NEB: variants seen among roughly 807,000 people sequenced by gnomAD.
NEB encodes the protein nemaline myopathy type 2.
A neutral mutation model predicts 952.2 loss-of-function variants in NEB; 512 were observed. The ratio of observed to expected loss-of-function variants is 0.54; its 90% CI spans 0.50 to 0.58. The LOEUF (loss-of-function observed/expected upper bound fraction) is 0.58, where lower values mean the gene tolerates loss of function less well. NEB is among the 20% of genes least tolerant of loss of function. The pLI is 0.00. For synonymous variants in NEB, 2,900 were observed against 3,149.8 expected (o/e 0.92, Z 2.66); for missense variants, 8,428 against 9,231.1 (o/e 0.91, Z 3.56).
At chr2:151,611,541 T>C (rs1376700997) in intron 78 of NEB, among the ~76,000 whole-genome samples, 1 of 152,200 alleles carries the variant, frequency 6.6e-6, no homozygotes, top group Non-Finnish European at 1.5e-5. Flanking sequence ...AGCCTAATGA[T>C]TGGAAGGCTT....
At chr2:151,518,283 T>A (rs1461359792) in intron 156 of NEB, 35 bp downstream of exon 156, 2 of 1,424,408 alleles carry the variant, frequency 1.4e-6, no homozygotes, top group East Asian at 2.3e-5. Flanking sequence ...TGGATGAATG[T>A]GCGCCAGAGG....
chr2:151,721,402 T>C (rs549390899), intron 9 of NEB, among the ~76,000 whole-genome samples: 2 of 152,282 alleles, frequency 1.3e-5, no homozygotes, highest in South Asian at 4.1e-4. Flanking sequence ...TCATTCATTT[T>C]CCTTGTCCCT....
intron 146 of NEB, among the ~76,000 whole-genome samples, chr2:151,528,751 G>T (rs1559574981): frequency 1.3e-5 from 2 of 152,210 alleles, no homozygotes; most frequent in Non-Finnish European, 1.5e-5. Context: ...CCCAAGAAGA[G>T]AGTCAACGCA....
At chr2:151,685,620 C>T (rs555299523) in intron 27 of NEB, among the ~76,000 whole-genome samples, 2 of 152,292 alleles carry the variant, frequency 1.3e-5, no homozygotes, top group South Asian at 2.1e-4. Flanking sequence ...ATTAAAATAA[C>T]GTTGGCCCTT....
intron 151 of NEB, 39 bp from the exon 152 acceptor site, chr2:151,524,655 T>TG: frequency 1.5e-5 from 1 of 67,788 alleles, no homozygotes; most frequent in Non-Finnish European, 2.8e-5. Flanking sequence ...AGAGAGAGGC[T>TG]TTTTTTTTTT....
chr2:151,695,052 A>C (rs2099586299), intron 18 of NEB, among the ~76,000 whole-genome samples: 1 of 152,174 alleles, frequency 6.6e-6, no homozygotes, highest in African/African-American at 2.4e-5. Flanking sequence ...TCATTTATAG[A>C]ATTATTGAAG....
At chr2:151,639,157 G>C in intron 63 of NEB, 123 bp downstream of exon 63, 1 of 711,726 alleles carries the variant, frequency 1.4e-6, no homozygotes, top group Non-Finnish European at 2.3e-6. Context: ...AAATGCAAGA[G>C]TTGTTATTCA....
At chr2:151,718,143 G>A (rs557879773) in intron 9 of NEB, among the ~76,000 whole-genome samples, 4 of 152,284 alleles carry the variant, frequency 2.6e-5, no homozygotes, top group East Asian at 1.9e-4. Flanking sequence ...GTGAGCCACC[G>A]CGCCTGGCCA....
intron 128 of NEB, among the ~76,000 whole-genome samples, chr2:151,552,330 G>GC (rs2095387283): frequency 6.6e-6 from 1 of 152,164 alleles, no homozygotes; most frequent in Non-Finnish European, 1.5e-5. Context: ...TCCAGAGCCT[G>GC]CTTGCTTCTT....
At chr2:151,557,410 T>C (rs140171536) in intron 124 of NEB, among the ~76,000 whole-genome samples, 46,617 of 151,798 alleles carry the variant, frequency 0.31, 7,438 homozygotes, top group East Asian at 0.44. Flanking sequence ...CAGGACCAGA[T>C]GGATTCACAC....
rs775780099 is a variant in NEB at position 151,636,210 on chromosome 2, T to C, written c.9102+17A>G. On this transcript the variant is annotated intron_variant, in intron 64 of 181. Coordinates refer to ENST00000397345, the MANE Select transcript of NEB (RefSeq NM_001164508.2). ...CATTAGATTGATCACATACTCAGAA[T>C]GGAATTGACAACTCACGTCACTGAT... is the stretch of plus-strand genomic sequence containing the variant. 5 of 1,588,840 alleles carry C rather than the reference T, an allele frequency of 3.1e-6. No homozygotes were observed. The South Asian group carries it at 5.5e-5, about 18-fold the overall frequency.
chr2:151,631,578 A>T (rs753682489), intron 65 of NEB, among the ~76,000 whole-genome samples: 2 of 152,200 alleles, frequency 1.3e-5, no homozygotes, highest in Non-Finnish European at 2.9e-5. Context: ...GATCCCAAGT[A>T]ATATCTTCTG....
intron 9 of NEB, among the ~76,000 whole-genome samples, chr2:151,717,908 C>T (rs2099763876): frequency 7.1e-6 from 1 of 141,772 alleles, no homozygotes; most frequent in African/African-American, 2.6e-5. Flanking sequence ...GGCTGGAATG[C>T]AGTAGCGCGA....
chr2:151,701,033 C>T (rs370768526), intron 13 of NEB, among the ~76,000 whole-genome samples: 2 of 76,912 alleles, frequency 2.6e-5, no homozygotes, highest in Middle Eastern at 5.1e-3. Flanking sequence ...TTTTGAAATA[C>T]GTCCCATCAA....
intron 105 of NEB, among the ~76,000 whole-genome samples, chr2:151,577,337 A>G (rs1333207417): frequency 3.3e-5 from 5 of 152,056 alleles, no homozygotes; most frequent in Non-Finnish European, 7.4e-5. Context: ...CTGTCTTTCA[A>G]TTCGTAGTCT....
In NEB at chr2:151,625,580, G is replaced by A; in HGVS notation, c.10406C>T (p.Thr3469Ile). 4 of 1,606,438 alleles carry A rather than the reference G, an allele frequency of 2.5e-6. No homozygotes were observed. The highest frequency in any genetic ancestry group is 4.5e-5 in the East Asian group (2 of 44,768). Residue 3469 changes from threonine to isoleucine, a missense_variant, in exon 71 of 182, where the codon ACA becomes ATA. Thr to Ile is a moderately conservative substitution (Grantham distance 89, BLOSUM62 -1). This residue lies in a region of NEB where 1,772 missense variants were observed against 1,960.3 expected (regional missense o/e 0.90). Transcript: ENST00000397345. ...TTGTCTTGCCAACATGATTTCAGGT[G>A]TATCAGGCATAATATGGACTTGGGT... ...DKTQVHIMPD[T>I]PEIMLARQNK... is the part of the protein sequence containing the mutation.
At chr2:151,656,600 A>G in intron 48 of NEB, 136 bp from the exon 49 acceptor site, 1 of 261,652 alleles carries the variant, frequency 3.8e-6, no homozygotes, top group Non-Finnish European at 5.2e-6. Flanking sequence ...TCTATAGTTC[A>G]CAGACTAATT....
rs529893589 is a variant in NEB, at chr2:151,696,999, G to GA, written c.1470+148dup. ...TTAAAATGTAGGGATGTCAACAAGG[G>GA]AAAATAGGATGTTTACTACAAAATA... On this transcript the variant is annotated intron_variant, in intron 16 of 181. Transcript: ENST00000397345. 1.3e-4 allele frequency: 88 copies of GA among 652,224 alleles called. No homozygotes were observed. In the East Asian group the frequency reaches 2.4e-3, roughly 18 times the overall value. 40.4% of individuals were successfully genotyped at this position (652,224 alleles called of 1,614,324 possible).
At chr2:151,531,318 T>A (rs1312873989) in intron 144 of NEB, among the ~76,000 whole-genome samples, 1 of 135,276 alleles carries the variant, frequency 7.4e-6, no homozygotes, top group Non-Finnish European at 1.6e-5. Flanking sequence ...CTTTTTTTTT[T>A]TTTTTTTTTT....
Sources: gnomAD v4.1 joint callset for allele counts (sites outside exome capture counted in the v4.1 genomes callset) on GRCh38, gnomAD v4.1.1 for gene constraint, gnomAD v4.1.1 regional missense constraint, MANE v1.5 for transcripts, NCBI Gene and HGNC (gene_info 2026-07-23, HGNC 2026-07-21) for gene names.